The following ANK3 variants were observed in gnomAD, a reference collection of about 807,000 sequenced individuals.
ANK3 encodes the protein ankyrin 3, also known as ankyrin-3.
Under a neutral mutation model 370.9 loss-of-function variants are expected in ANK3, and 57 were observed. The observed-to-expected ratio is 0.15, with a 90% CI of 0.12 to 0.19. The LOEUF is 0.19. Ranked by LOEUF, ANK3 falls within the 10% of genes least tolerant of loss-of-function variation. The pLI is 1.00. For synonymous variants in ANK3, 1,929 were observed against 1,946.3 expected (o/e 0.99, Z 0.23); for missense variants, 4,439 against 5,302.1 (o/e 0.84, Z 5.06).
chr10:60,724,149 G>T (rs1318030783), intron 1 of ANK3, among the ~76,000 whole-genome samples: 1 of 125,808 alleles, frequency 7.9e-6, no homozygotes, highest in Non-Finnish European at 1.7e-5. Flanking sequence ...GGCGGAGCTT[G>T]CAGTGAGCCG....
In ANK3 at chr10:60,070,914, T is replaced by C; in HGVS notation, c.9967A>G (p.Ile3323Val). The change falls in exon 37 of 44, where the codon ATT becomes GTT. Residue 3323 changes from isoleucine to valine, a missense_variant. Ile to Val is a conservative substitution (Grantham distance 29, BLOSUM62 3). Transcript: ENST00000280772. This position sits in a 1 kb window ranked among gnomAD's most constrained non-coding sequence, Gnocchi z 5.7. ...TTTTTAACTGGGACTGGCTGATAAA[T>C]AGATTCGTCATCGCTTGAATCACTG... is the stretch of plus-strand genomic sequence containing the variant. ...DVSDSSDDES[I>V]YQPVPVKKYT... 1.2e-6 allele frequency: 2 copies of C among 1,614,108 alleles called. No homozygotes were observed. Among genetic ancestry groups the C allele is most frequent in the South Asian group, 1.1e-5 (1 of 91,074 alleles).
intron 1 of ANK3, among the ~76,000 whole-genome samples, chr10:60,334,627 G>T (rs1445745264): frequency 6.6e-6 from 1 of 152,100 alleles, no homozygotes; most frequent in Non-Finnish European, 1.5e-5. Flanking sequence ...TAACTTCGCA[G>T]CAAGTTTTCT....
chr10:60,390,866 C>T (rs890768340), upstream of ANK3, among the ~76,000 whole-genome samples: 1 of 151,482 alleles, frequency 6.6e-6, no homozygotes, highest in Admixed American at 6.6e-5. Context: ...AAGTCCATAA[C>T]TTTGGCGGTC....
At chr10:60,719,441 CA>C (rs962604705) in intron 1 of ANK3, among the ~76,000 whole-genome samples, 7 of 151,966 alleles carry the variant, frequency 4.6e-5, no homozygotes, top group Non-Finnish European at 8.8e-5. Context: ...AGCTTTCCAC[CA>C]AAAAAGTTGT....
intron 1 of ANK3, among the ~76,000 whole-genome samples, chr10:60,660,911 T>TACACACACACACACACACAC (rs779739373): frequency 3.8e-4 from 57 of 148,244 alleles, no homozygotes; most frequent in African/African-American, 1.1e-3. Context: ...GAGTTTTAAA[T>TACACACACACACACACACAC]ACACACTCAC....
chr10:60,112,732 G>T (rs1369796516), intron 26 of ANK3, among the ~76,000 whole-genome samples: 1 of 152,126 alleles, frequency 6.6e-6, no homozygotes, highest in East Asian at 1.9e-4. Flanking sequence ...ACATGTAAAA[G>T]ATTTAGCACA....
intron 28 of ANK3, among the ~76,000 whole-genome samples, chr10:60,088,851 A>C (rs1195149247): frequency 6.6e-6 from 1 of 152,220 alleles, no homozygotes; most frequent in Non-Finnish European, 1.5e-5. Flanking sequence ...TATTAATATA[A>C]GTATTTGTAG....
intron 1 of ANK3, among the ~76,000 whole-genome samples, chr10:60,628,196 C>T (rs1167497179): frequency 1.3e-5 from 2 of 152,142 alleles, no homozygotes; most frequent in African/African-American, 4.8e-5. Flanking sequence ...ATCTGTAAAA[C>T]TATCAGGACT....
chr10:60,364,224 G>C (rs1220200920), intron 1 of ANK3, among the ~76,000 whole-genome samples: 6 of 151,136 alleles, frequency 4.0e-5, no homozygotes, highest in Admixed American at 1.3e-4. Context: ...AACCTCGGAG[G>C]CAGAGGTTGC....
chr10:60,662,348 G>T (rs1443238576), intron 1 of ANK3, among the ~76,000 whole-genome samples: 1 of 152,014 alleles, frequency 6.6e-6, no homozygotes, highest in African/African-American at 2.4e-5. Context: ...AAATAAAAAA[G>T]ACAAATGTAT....
chr10:60,064,222 G>T lies in ANK3; in HGVS notation c.12386C>A (p.Ser4129Tyr). ...TAACATGAAGCTCTGAGAAATTAAAGAATTTGGATTTTCCACACGTATTTG... is the reference window on the plus strand; with the variant it reads ...TAACATGAAGCTCTGAGAAATTAAATAATTTGGATTTTCCACACGTATTTG... ...INQIRVENPN[S>Y]LISQSFMLLK... is the part of the protein sequence containing the mutation. The change falls in exon 39 of 44, where the codon TCT becomes TAT. Residue 4129 changes from serine to tyrosine, a missense_variant. Transcript: ENST00000280772. 1 of 1,582,966 alleles carries T rather than the reference G, an allele frequency of 6.3e-7. No individual in the cohort carries two copies. The highest frequency in any genetic ancestry group is 2.3e-5 in the East Asian group (1 of 43,548).
intron 26 of ANK3, among the ~76,000 whole-genome samples, chr10:60,112,660 T>G (rs1426957377): frequency 6.6e-6 from 1 of 152,218 alleles, no homozygotes; most frequent in East Asian, 1.9e-4. Context: ...AAAATGAGGA[T>G]AATGAGTAAT....
At chr10:60,684,498 G>A (rs563082927) in intron 1 of ANK3, 11 of 1,448,180 alleles carry the variant, frequency 7.6e-6, no homozygotes, top group Non-Finnish European at 1.0e-5. Flanking sequence ...TTTATTTGCA[G>A]CTGGAAATGG....
At position 60,504,581 on chromosome 10, in the gene ANK3, A is replaced by G. The variant is rs141486136; in HGVS notation, c.96+110605T>C. Reference sequence around the variant, plus strand: ...TAGTTACTAAACAAATGTGTTTGGGATACTGAGAGAATGTATCAAAACCTC... The same window carrying G: ...TAGTTACTAAACAAATGTGTTTGGGGTACTGAGAGAATGTATCAAAACCTC... On this transcript the variant is annotated intron_variant, in intron 2 of 43. Transcript: ENST00000373827. Among the ~76,000 whole-genome samples, 489 of 152,292 alleles carry G rather than the reference A, an allele frequency of 3.2e-3. 10 individuals are homozygous for G. Among genetic ancestry groups the G allele is most frequent in the African/African-American group, 0.011 (471 of 41,564 alleles).
At chr10:60,413,102 C>T (rs1161366820) in intron 2 of ANK3, among the ~76,000 whole-genome samples, 12 of 152,220 alleles carry the variant, frequency 7.9e-5, no homozygotes, top group Admixed American at 7.9e-4. Flanking sequence ...CTTTCTATGA[C>T]ACTAATATTG....
intron 1 of ANK3, among the ~76,000 whole-genome samples, chr10:60,303,190 A>G (rs1447146834): frequency 6.6e-6 from 1 of 152,210 alleles, no homozygotes; most frequent in Non-Finnish European, 1.5e-5. Context: ...CAGGCCACAA[A>G]AGCGAAAATT....
At chr10:60,539,037 CA>C (rs1203944602) in intron 2 of ANK3, among the ~76,000 whole-genome samples, 1 of 151,530 alleles carries the variant, frequency 6.6e-6, no homozygotes, top group African/African-American at 2.4e-5. Flanking sequence ...TAATAAAAGC[CA>C]AAGGAGGGCA....
chr10:60,086,781 G>C lies in ANK3; in HGVS notation c.3644C>G (p.Pro1215Arg). ...GGGCACCGGAATGGTCATTGTGATT[G>C]GTTTATGGAATTTCCGTCTTCTTGG... ...VEPRRRKFHK[P>R]ITMTIPVPPP... The change falls in exon 30 of 44, where the codon CCA becomes CGA. Residue 1215 changes from proline (P) to arginine (R), a missense_variant. Coordinates refer to ENST00000280772, the MANE Select transcript of ANK3 (RefSeq NM_020987.5). The C allele has an allele frequency of 1.2e-6, 2 of 1,613,952 alleles. No individual in the cohort carries two copies. The highest frequency in any genetic ancestry group is 1.7e-6 in the Non-Finnish European group (2 of 1,179,950).
intron 7 of ANK3, among the ~76,000 whole-genome samples, chr10:60,239,682 G>T (rs2097394310): frequency 6.6e-6 from 1 of 151,796 alleles, no homozygotes; most frequent in South Asian, 2.1e-4. Flanking sequence ...AGAAATGAAG[G>T]GCTCTGGAAA....
Sources: allele counts gnomAD v4.1 joint callset (sites outside exome capture counted in the v4.1 genomes callset), GRCh38; gene constraint gnomAD v4.1.1; non-coding constraint Gnocchi (gnomAD v3.1); transcripts MANE v1.5; gene names NCBI Gene and HGNC (gene_info 2026-07-23, HGNC 2026-07-21).